The following NAALADL2 variants were observed in gnomAD, a reference collection of about 807,000 sequenced individuals.
NAALADL2 encodes the protein N-acetylated alpha-linked acidic dipeptidase like 2, also known as inactive N-acetylated-alpha-linked acidic dipeptidase-like protein 2.
NAALADL2 carries 76 observed loss-of-function variants against 87.2 expected under a neutral mutation model. The observed-to-expected ratio is 0.87, with a 90% CI of 0.72 to 1.05. NAALADL2 has a LOEUF of 1.05. Among genes scored for constraint, NAALADL2 ranks in the 50% least tolerant of loss-of-function variants. The pLI is 0.00. For synonymous variants in NAALADL2, 354 were observed against 331.0 expected (o/e 1.07, Z -0.75); for missense variants, 1,089 against 945.8 (o/e 1.15, Z -1.99).
chr3:175,391,397 G>A (rs536159496), intron 5 of NAALADL2, among the ~76,000 whole-genome samples: 3 of 152,230 alleles, frequency 2.0e-5, no homozygotes, highest in Admixed American at 1.3e-4. Flanking sequence ...CCTTCTGTGG[G>A]CCCTCCCTTG....
chr3:175,156,589 G>A (rs1732369024), intron 2 of NAALADL2, among the ~76,000 whole-genome samples: 1 of 152,102 alleles, frequency 6.6e-6, no homozygotes, highest in Admixed American at 6.6e-5. Context: ...ATTTTAAAGT[G>A]ACATTTAATG....
chr3:175,316,256 C>T (rs187435428), intron 4 of NAALADL2, among the ~76,000 whole-genome samples: 145 of 152,096 alleles, frequency 9.5e-4, no homozygotes, highest in African/African-American at 3.4e-3. Flanking sequence ...AAAATATTAC[C>T]CAGTTCAAGT....
intron 1 of NAALADL2, among the ~76,000 whole-genome samples, chr3:174,962,640 C>T (rs185164242): frequency 6.6e-6 from 1 of 151,772 alleles, no homozygotes; most frequent in African/African-American, 2.4e-5. Context: ...CGGACTCTTA[C>T]CTCAGAGAGA....
At position 174,739,183 on chromosome 3, in the gene NAALADL2, A is replaced by G. The variant is rs554125670; in HGVS notation, c.-9+1437A>G. ...TTTATTTTTTACAGCAGTGGAGTGT[A>G]TTCTTTTTTTTCACATTTTACTGCC... On this transcript the variant is annotated intron_variant, in intron 3 of 3. Transcript: ENST00000434257. Among the ~76,000 whole-genome samples, 432 of 152,120 alleles carry G rather than the reference A, an allele frequency of 2.8e-3. 2 individuals are homozygous for G. Among genetic ancestry groups the G allele is most frequent in the African/African-American group, 0.01 (416 of 41,480 alleles).
At chr3:175,381,219 T>C (rs6795520) in intron 5 of NAALADL2, among the ~76,000 whole-genome samples, 16,404 of 151,626 alleles carry the variant, frequency 0.11, 1,593 homozygotes, top group African/African-American at 0.27. Flanking sequence ...CTTAAAGTAT[T>C]TTGGTTATTA....
intron 11 of NAALADL2, among the ~76,000 whole-genome samples, chr3:175,662,818 C>T (rs544554887): frequency 2.3e-4 from 35 of 152,066 alleles, no homozygotes; most frequent in African/African-American, 7.9e-4. Context: ...TATGTTGAAT[C>T]ATCTGGTGTC....
intron 2 of NAALADL2, among the ~76,000 whole-genome samples, chr3:175,159,013 T>G (rs940730878): frequency 3.3e-5 from 5 of 152,142 alleles, no homozygotes; most frequent in Admixed American, 6.5e-5. Flanking sequence ...TTTACATGAT[T>G]TTTTAAGTTT....
chr3:174,584,754 A>G (rs1716530694), intron 2 of NAALADL2, among the ~76,000 whole-genome samples: 1 of 152,088 alleles, frequency 6.6e-6, no homozygotes, highest in Non-Finnish European at 1.5e-5. Flanking sequence ...AATTTTTACT[A>G]AATCCTGGAT....
At chr3:174,632,774 A>C (rs551982652) in intron 2 of NAALADL2, among the ~76,000 whole-genome samples, 1 of 151,998 alleles carries the variant, frequency 6.6e-6, no homozygotes, top group Admixed American at 6.6e-5. Flanking sequence ...ATCTCTACTA[A>C]AAATACAAAA....
intron 4 of NAALADL2, among the ~76,000 whole-genome samples, chr3:175,290,460 G>C (rs961712431): frequency 1.3e-5 from 2 of 152,152 alleles, no homozygotes; most frequent in Non-Finnish European, 2.9e-5. Flanking sequence ...GGTATTGACA[G>C]AAATGGACAT....
At chr3:175,730,443 T>TACAC (rs781768041) in intron 11 of NAALADL2, among the ~76,000 whole-genome samples, 1 of 64,486 alleles carries the variant, frequency 1.6e-5, no homozygotes, top group Non-Finnish European at 3.5e-5. Flanking sequence ...TATATATATA[T>TACAC]ACACACATAC....
chr3:175,393,383 T>C (rs1029663836), intron 5 of NAALADL2, among the ~76,000 whole-genome samples: 2 of 148,958 alleles, frequency 1.3e-5, no homozygotes, highest in Non-Finnish European at 3.0e-5. Context: ...TAATAGTTAA[T>C]ATACAAATGC....
chr3:175,097,721 G>A (rs892190261), intron 2 of NAALADL2, among the ~76,000 whole-genome samples: 4 of 152,026 alleles, frequency 2.6e-5, no homozygotes, highest in African/African-American at 7.2e-5. Flanking sequence ...AAGTTTCACC[G>A]ATGTCATATA....
At chr3:175,575,967 G>GTTT (rs1469219716) in intron 9 of NAALADL2, 74 bp from the exon 10 acceptor site, 1 of 1,265,946 alleles carries the variant, frequency 7.9e-7, no homozygotes, top group Non-Finnish European at 1.1e-6. Flanking sequence ...TGTGGACCAT[G>GTTT]TTTTGAGTAG....
At chr3:175,592,273 C>T (rs1187737841) in intron 10 of NAALADL2, among the ~76,000 whole-genome samples, 1 of 151,066 alleles carries the variant, frequency 6.6e-6, no homozygotes, top group Non-Finnish European at 1.5e-5. Context: ...TATTTTGTTC[C>T]TCACACCCTA....
In NAALADL2 at chr3:174,886,978, G is replaced by A. The variant is rs537366859; in HGVS notation, c.43+27528G>A. 6.6e-5 allele frequency among the ~76,000 whole-genome samples: 10 copies of A among 152,244 alleles called. No homozygotes were observed. The East Asian group carries it at 9.6e-4, about 15-fold the overall frequency. ...CCAATCAAATAAACAACAGACAAAC[G>A]TGGGTACATTTTTCAGCTGTATTTC... is the stretch of plus-strand genomic sequence containing the variant. On this transcript the variant is annotated intron_variant, in intron 1 of 13. Coordinates refer to ENST00000454872, the MANE Select transcript of NAALADL2 (RefSeq NM_207015.3).
chr3:174,828,477 G>C (rs115027942), intron 3 of NAALADL2, among the ~76,000 whole-genome samples: 1 of 152,178 alleles, frequency 6.6e-6, no homozygotes, highest in Non-Finnish European at 1.5e-5. Context: ...CTGTATCATG[G>C]AGTAAAGCTA....
intron 3 of NAALADL2, 133 bp downstream of exon 3, chr3:175,234,337 C>A: frequency 3.1e-6 from 3 of 975,188 alleles, no homozygotes; most frequent in Non-Finnish European, 4.5e-6. Flanking sequence ...GTGGAAGTGC[C>A]AGGAAAGAGA....
intron 10 of NAALADL2, among the ~76,000 whole-genome samples, chr3:175,595,376 A>C (rs538499867): frequency 1.3e-5 from 2 of 151,990 alleles, no homozygotes; most frequent in African/African-American, 4.8e-5. Flanking sequence ...TTGTACTAGT[A>C]CCTTGCTTTT....
Sources: gnomAD v4.1 joint callset for allele counts (sites outside exome capture counted in the v4.1 genomes callset) on GRCh38, gnomAD v4.1.1 for gene constraint, MANE v1.5 for transcripts, NCBI Gene and HGNC (gene_info 2026-07-23, HGNC 2026-07-21) for gene names.